The following SPTLC3 variants were observed in gnomAD, a reference collection of about 807,000 sequenced individuals.
The protein encoded by SPTLC3 is serine palmitoyltransferase long chain base subunit 3, also known as serine palmitoyltransferase 3.
In SPTLC3, 36 loss-of-function variants were observed where a neutral mutation model predicts 59.3. The observed-to-expected ratio is 0.61, with a 90% CI of 0.47 to 0.80. SPTLC3 has a LOEUF of 0.80. SPTLC3 is among the 30% of genes least tolerant of loss of function. SPTLC3 has a pLI of 0.00. For missense variants in SPTLC3, 625 were observed against 685.1 expected (o/e 0.91, Z 0.98); for synonymous variants, 257 against 240.8 (o/e 1.07, Z -0.62).
chr20:13,087,312 A>T (rs1352074939), intron 4 of SPTLC3, among the ~76,000 whole-genome samples: 1 of 152,200 alleles, frequency 6.6e-6, no homozygotes, highest in Admixed American at 6.5e-5. Flanking sequence ...AGAAAGACAC[A>T]TGGAGATGCA....
intron 4 of SPTLC3, among the ~76,000 whole-genome samples, chr20:13,078,383 A>G (rs1988722722): frequency 6.6e-6 from 1 of 151,538 alleles, no homozygotes; most frequent in Admixed American, 6.6e-5. Flanking sequence ...TTATCTTCAT[A>G]GATGCTGCTA....
chr20:13,061,616 T>G (rs11907467), intron 2 of SPTLC3, among the ~76,000 whole-genome samples: 2 of 152,126 alleles, frequency 1.3e-5, no homozygotes. Flanking sequence ...CCAGTCCAGG[T>G]GCTCTGGACA....
At chr20:13,130,524 T>C (rs1241053795) in intron 9 of SPTLC3, among the ~76,000 whole-genome samples, 2 of 152,248 alleles carry the variant, frequency 1.3e-5, no homozygotes, top group Non-Finnish European at 2.9e-5. Context: ...GTTCCTTTGA[T>C]GCCAAGGTTC....
chr20:13,127,391 A>C (rs538191387), intron 9 of SPTLC3, among the ~76,000 whole-genome samples: 212 of 152,310 alleles, frequency 1.4e-3, no homozygotes, highest in African/African-American at 4.9e-3. Context: ...GCTGCCAGGC[A>C]AACTGGTGAG....
At chr20:13,070,258 C>A (rs572124848) in intron 2 of SPTLC3, among the ~76,000 whole-genome samples, 1 of 152,214 alleles carries the variant, frequency 6.6e-6, no homozygotes, top group South Asian at 2.1e-4. Context: ...AATTGCCCGA[C>A]CATCCTTCAA....
intron 1 of SPTLC3, among the ~76,000 whole-genome samples, chr20:13,027,085 A>G (rs1428818538): frequency 7.2e-5 from 11 of 152,138 alleles, no homozygotes; most frequent in Admixed American, 7.2e-4. Context: ...CACACCGTTC[A>G]TTGGTTTCCT....
At position 13,160,736 on chromosome 20, in the gene SPTLC3, A is replaced by G. The variant is rs149927812; in HGVS notation, c.1545+604A>G. On this transcript the variant is annotated intron_variant, in intron 11 of 11. Coordinates refer to ENST00000399002, the MANE Select transcript of SPTLC3 (RefSeq NM_018327.4). ...TTGCAAACACTATTGAGAGTCAACTATGTGCAAACTTGGGGCAAAAAGTCT... is the reference window on the plus strand; with the variant it reads ...TTGCAAACACTATTGAGAGTCAACTGTGTGCAAACTTGGGGCAAAAAGTCT... Among the ~76,000 whole-genome samples, 31 of 152,350 alleles carry G rather than the reference A, an allele frequency of 2.0e-4. No homozygotes were observed. In the East Asian group the frequency reaches 5.2e-3, roughly 26 times the overall value.
intron 3 of SPTLC3, 126 bp downstream of exon 3, chr20:13,072,536 C>T: frequency 9.7e-7 from 1 of 1,031,474 alleles, no homozygotes. Context: ...TCATTTATGC[C>T]TTTGCAAGCC....
chr20:13,054,439 C>A (rs148156065), intron 2 of SPTLC3, among the ~76,000 whole-genome samples: 60 of 152,176 alleles, frequency 3.9e-4, no homozygotes, highest in Non-Finnish European at 5.9e-4. Context: ...GAGGTTGATG[C>A]AGATATACAG....
chr20:13,117,571 T>A lies in SPTLC3; in HGVS notation c.998T>A (p.Leu333His). Reference protein sequence around the residue: ...IALKKKYKAYLYIDEAHSIGA... With the variant: ...IALKKKYKAYHYIDEAHSIGA... Reference sequence around the variant, plus strand: ...CTAAAGAAGAAATACAAGGCTTACCTCTACATAGATGAAGCTCACAGTATT... The same window carrying A: ...CTAAAGAAGAAATACAAGGCTTACCACTACATAGATGAAGCTCACAGTATT... Residue 333 changes from leucine (L) to histidine (H), a missense_variant, in exon 8 of 12, where the codon CTC becomes CAC. Transcript: ENST00000399002. The A allele has an allele frequency of 6.2e-7, 1 of 1,613,770 alleles. No individual in the cohort carries two copies. The highest frequency in any genetic ancestry group is 8.5e-7 in the Non-Finnish European group (1 of 1,179,818).
intron 9 of SPTLC3, among the ~76,000 whole-genome samples, chr20:13,126,999 T>C (rs1284480659): frequency 6.6e-6 from 1 of 152,262 alleles, no homozygotes; most frequent in Admixed American, 6.5e-5. Flanking sequence ...TGCGTGTGTG[T>C]GCGCGCACGT....
At chr20:13,135,153 A>C (rs2038213885) in intron 9 of SPTLC3, among the ~76,000 whole-genome samples, 1 of 152,222 alleles carries the variant, frequency 6.6e-6, no homozygotes, top group African/African-American at 2.4e-5. Context: ...CCTTAGGATA[A>C]ATAGGGTAGC....
At chr20:13,088,334 G>C (rs1989075094) in intron 4 of SPTLC3, among the ~76,000 whole-genome samples, 1 of 151,996 alleles carries the variant, frequency 6.6e-6, no homozygotes. Flanking sequence ...GTTTGTTTTT[G>C]TCTTTGTTTT....
Position 13,110,138 on chromosome 20 carries a change from A to G in SPTLC3, c.853A>G (p.Arg285Gly). Residue 285 changes from arginine (R) to glycine (G), a missense_variant, in exon 7 of 12, where the codon AGA (arginine) becomes GGA (glycine). Transcript: ENST00000399002. ...CACACAAAGCCTAGAGAAGCTCCTG[A>G]GAGATGCTGTCATCTATGGCCAGCC... ...NNTQSLEKLLRDAVIYGQPRT... is the reference protein window; with the variant it reads ...NNTQSLEKLLGDAVIYGQPRT... 6.2e-7 allele frequency: 1 copy of G among 1,613,416 alleles called. No individual in the cohort carries two copies. Among genetic ancestry groups the G allele is most frequent in the Non-Finnish European group, 8.5e-7 (1 of 1,179,664 alleles).
At chr20:13,094,859 G>T (rs1029195315) in intron 6 of SPTLC3, among the ~76,000 whole-genome samples, 3 of 152,104 alleles carry the variant, frequency 2.0e-5, no homozygotes, top group Non-Finnish European at 4.4e-5. Context: ...CCAAACTATG[G>T]CCCCCTCAGA....
At chr20:13,049,234 C>A in intron 2 of SPTLC3, 104 bp downstream of exon 2, 1 of 1,301,724 alleles carries the variant, frequency 7.7e-7, no homozygotes, top group Non-Finnish European at 1.1e-6. Flanking sequence ...ATGAGGTGCT[C>A]AGGAACTATT....
intron 6 of SPTLC3, among the ~76,000 whole-genome samples, chr20:13,105,518 C>A (rs1989840332): frequency 6.6e-6 from 1 of 152,174 alleles, no homozygotes; most frequent in African/African-American, 2.4e-5. Context: ...AGAAAAGCTT[C>A]TCTTTAGGAC....
chr20:13,021,733 C>CT (rs1422687172), intron 1 of SPTLC3, among the ~76,000 whole-genome samples: 1 of 152,132 alleles, frequency 6.6e-6, no homozygotes, highest in Non-Finnish European at 1.5e-5. Flanking sequence ...TGCTGCTTTC[C>CT]TTTGTTTGAT....
At chr20:13,106,467 G>T (rs2122681093) in intron 6 of SPTLC3, among the ~76,000 whole-genome samples, 1 of 152,254 alleles carries the variant, frequency 6.6e-6, no homozygotes, top group East Asian at 1.9e-4. Flanking sequence ...AGAAGAGTTT[G>T]GGTTAAGACT....
Sources: gnomAD v4.1 joint callset for allele counts (sites outside exome capture counted in the v4.1 genomes callset) on GRCh38, gnomAD v4.1.1 for gene constraint, MANE v1.5 for transcripts, NCBI Gene and HGNC (gene_info 2026-07-23, HGNC 2026-07-21) for gene names.